Variants in ZC3H13 observed in about 807,000 individuals in gnomAD.
ZC3H13 encodes the protein zinc finger CCCH domain-containing protein 13.
In ZC3H13, 64 loss-of-function variants were observed where a neutral mutation model predicts 204.1. That is an observed-to-expected ratio of 0.31 (90% confidence interval 0.26 to 0.39). The LOEUF is 0.39. Ranked by LOEUF, ZC3H13 falls within the 10% of genes least tolerant of loss-of-function variation. The pLI is 1.00. For synonymous variants in ZC3H13, 667 were observed against 693.7 expected (o/e 0.96, Z 0.60); for missense variants, 1,833 against 2,082.7 (o/e 0.88, Z 2.33).
chr13:45,975,240 C>G lies in ZC3H13; in HGVS notation c.2468+43G>C, dbSNP rs759482052. 5 of 1,565,482 alleles carry G rather than the reference C, an allele frequency of 3.2e-6. No homozygotes were observed. The Admixed American group carries it at 9.4e-5, about 29-fold the overall frequency. On this transcript the variant is annotated intron_variant, in intron 12 of 18. Transcript: ENST00000679008. ...CATTAAATGAAACTTTGAATTCTTT[C>G]CTGAAATGTAAAATGTTATTAATAA... is the stretch of plus-strand genomic sequence containing the variant.
intron 4 of ZC3H13, among the ~76,000 whole-genome samples, chr13:46,034,084 C>T (rs901074395): frequency 3.3e-5 from 5 of 151,972 alleles, no homozygotes; most frequent in Admixed American, 6.5e-5. Flanking sequence ...CATCACTAAC[C>T]ATTAAGAAAT....
intron 5 of ZC3H13, among the ~76,000 whole-genome samples, chr13:46,014,105 A>G (rs1041449131): frequency 3.3e-5 from 5 of 152,234 alleles, no homozygotes; most frequent in African/African-American, 1.2e-4. Flanking sequence ...TTATTTGTCA[A>G]TATGGGTAAA....
At chr13:46,030,725 ATACT>A (rs1353318694) in intron 4 of ZC3H13, among the ~76,000 whole-genome samples, 4 of 152,232 alleles carry the variant, frequency 2.6e-5, no homozygotes, top group Non-Finnish European at 5.9e-5. Flanking sequence ...AAAAAATGAA[ATACT>A]TAAGGATAAA....
At position 45,988,813 on chromosome 13, in the gene ZC3H13, T is replaced by C; in HGVS notation, c.1229A>G (p.His410Arg). ...RHDHERTSQS[H>R]DRRHERREDT... ...TTCCCTCCTTTCATGGCGTCGATCA[T>C]GAGACTGTGAAGTTCGTTCATGATC... Residue 410 changes from histidine (H) to arginine (R), a missense_variant, in exon 9 of 19, where the codon CAT becomes CGT. This residue lies in a region of ZC3H13 where 1,574 missense variants were observed against 1,757.2 expected (regional missense o/e 0.90). Transcript: ENST00000679008. 5.0e-6 allele frequency: 8 copies of C among 1,613,460 alleles called. No homozygotes were observed. In the South Asian group the frequency reaches 7.7e-5, roughly 16 times the overall value.
chr13:46,010,125 A>G, intron 7 of ZC3H13: 1 of 338,854 alleles, frequency 3.0e-6, no homozygotes, highest in Non-Finnish European at 5.2e-6. Flanking sequence ...TATTTCTTAA[A>G]AAATAAAAAG....
Position 45,975,591 on chromosome 13 carries a change from TTC to T in ZC3H13, c.2158_2159del (p.Glu720LysfsTer6). The T allele has an allele frequency of 6.4e-7, 1 of 1,568,950 alleles. No homozygotes were observed. The highest frequency in any genetic ancestry group is 1.2e-5 in the South Asian group (1 of 86,894). ...ERARERERER[E>X]KERDRERDRD... ...TATCCCTTTCACGATCTCTCTCTTT[TTC>T]TCTTTCTCTCTCCCGTTCCCTAGCA... is the stretch of plus-strand genomic sequence containing the variant. On this transcript the variant is annotated frameshift_variant, in exon 12 of 19. Coordinates refer to ENST00000679008, the MANE Select transcript of ZC3H13 (RefSeq NM_001330564.2). LOFTEE classifies it high-confidence loss of function.
chr13:45,969,847 T>C lies in ZC3H13; in HGVS notation c.2697A>G (p.Lys899=), dbSNP rs1252959898. The change falls in exon 14 of 19, where the codon AAA becomes AAG. Residue 899 remains lysine, a synonymous_variant. Coordinates refer to ENST00000679008, the MANE Select transcript of ZC3H13 (RefSeq NM_001330564.2). ...WKEEDRKPER[K]ESSRRYEEQE... ...GTTCTTCGTAGCGCCTTGAACTCTC[T>C]TTCCTTTCTGGTTTACGATCCTCCT... 1 of 1,613,990 alleles carries C rather than the reference T, an allele frequency of 6.2e-7. No individual in the cohort carries two copies. Among genetic ancestry groups the C allele is most frequent in the Middle Eastern group, 1.6e-4 (1 of 6,062 alleles).
intron 4 of ZC3H13, among the ~76,000 whole-genome samples, chr13:46,033,692 GT>G (rs2043037104): frequency 6.6e-6 from 1 of 152,078 alleles, no homozygotes. Flanking sequence ...AAGGAACCAA[GT>G]TTTTTGAGGA....
In ZC3H13 at chr13:45,996,924, T is replaced by C. The variant is rs552287299; in HGVS notation, c.944+6215A>G. 1.1e-4 allele frequency among the ~76,000 whole-genome samples: 16 copies of C among 152,358 alleles called. No homozygotes were observed. In the South Asian group the frequency reaches 2.7e-3, roughly 26 times the overall value. On this transcript the variant is annotated intron_variant, in intron 8 of 18. Coordinates refer to ENST00000679008, the MANE Select transcript of ZC3H13 (RefSeq NM_001330564.2). ...ATAGTATATACAAGGTTCAGCACTATCTGCCATTTCTGGCATCTACTGGGG... is the reference window on the plus strand; with the variant it reads ...ATAGTATATACAAGGTTCAGCACTACCTGCCATTTCTGGCATCTACTGGGG...
intron 5 of ZC3H13, among the ~76,000 whole-genome samples, chr13:46,018,733 C>T (rs1215360122): frequency 1.3e-5 from 2 of 152,202 alleles, no homozygotes; most frequent in East Asian, 3.9e-4. Flanking sequence ...AGAAAAAGAA[C>T]AGACTTGGGC....
chr13:45,958,569 T>C (rs1394898169), intron 18 of ZC3H13, among the ~76,000 whole-genome samples: 3 of 152,084 alleles, frequency 2.0e-5, no homozygotes, highest in Admixed American at 6.6e-5. Flanking sequence ...GTCATGTCGA[T>C]GCTCAAAAGC....
intron 17 of ZC3H13, chr13:45,963,229 C>T: frequency 1.0e-6 from 1 of 985,426 alleles, no homozygotes; most frequent in Non-Finnish European, 1.2e-6. Flanking sequence ...TCCGGCCTTA[C>T]AGACCAAGCT....
intron 8 of ZC3H13, among the ~76,000 whole-genome samples, chr13:45,995,901 T>A (rs1381843627): frequency 6.6e-6 from 1 of 152,216 alleles, no homozygotes; most frequent in Non-Finnish European, 1.5e-5. Context: ...ATTTCTACAC[T>A]CAGGTAATTG....
chr13:46,023,661 T>G (rs183925042), intron 4 of ZC3H13, among the ~76,000 whole-genome samples: 1 of 152,320 alleles, frequency 6.6e-6, no homozygotes, highest in East Asian at 1.9e-4. Context: ...ACTAAGAAAC[T>G]ATAATCTCCT....
intron 5 of ZC3H13, among the ~76,000 whole-genome samples, chr13:46,019,546 C>A (rs2042101705): frequency 6.6e-6 from 1 of 152,110 alleles, no homozygotes. Flanking sequence ...CACCCCCACT[C>A]AATGCATTTA....
At position 46,003,325 on chromosome 13, in the gene ZC3H13, G is replaced by C; in HGVS notation, c.758C>G (p.Thr253Ser). The C allele has an allele frequency of 6.2e-7, 1 of 1,606,056 alleles. No homozygotes were observed. Among genetic ancestry groups the C allele is most frequent in the Non-Finnish European group, 8.5e-7 (1 of 1,178,234 alleles). Residue 253 changes from threonine (T) to serine (S), a missense_variant, in exon 8 of 19, where the codon ACC (threonine) becomes AGC (serine). Physicochemically the swap from Thr to Ser is moderately conservative, Grantham distance 58. Around this residue, in one of 5 missense-constraint regions of ZC3H13, gnomAD observed 1,574 missense variants for 1,757.2 expected, o/e 0.90. Transcript: ENST00000679008. Reference protein sequence around the residue: ...PLLDQQRNSKTNQSKKKGPRT... With the variant: ...PLLDQQRNSKSNQSKKKGPRT... ...TGGTCCTTTCTTTTTACTTTGGTTG[G>C]TTTTTGAATTTCTGAAGGTAACAAA...
At chr13:45,994,805 C>T (rs934077385) in intron 8 of ZC3H13, among the ~76,000 whole-genome samples, 15 of 152,190 alleles carry the variant, frequency 9.9e-5, no homozygotes, top group Non-Finnish European at 1.6e-4. Flanking sequence ...AGCAGAGGAC[C>T]AAACCAGGCC....
chr13:45,978,415 T>G (rs898499531), intron 11 of ZC3H13, among the ~76,000 whole-genome samples: 1 of 151,396 alleles, frequency 6.6e-6, no homozygotes, highest in Admixed American at 6.6e-5. Flanking sequence ...AAAATTAAAA[T>G]AGAGAACTGA....
intron 1 of ZC3H13, chr13:46,052,061 T>C (rs2044485941): frequency 6.7e-6 from 1 of 148,292 alleles, no homozygotes; most frequent in African/African-American, 2.5e-5. Flanking sequence ...GGAATGAGTA[T>C]AGAGGAAGAT....
Sources: allele counts gnomAD v4.1 joint callset (sites outside exome capture counted in the v4.1 genomes callset), GRCh38; gene constraint gnomAD v4.1.1; regional missense constraint gnomAD v4.1.1; transcripts MANE v1.5; gene names NCBI Gene and HGNC (gene_info 2026-07-23, HGNC 2026-07-21).